Variants in KAT6B observed in about 807,000 individuals in gnomAD.
KAT6B encodes histone acetyltransferase KAT6B.
A neutral mutation model predicts 187.5 loss-of-function variants in KAT6B; 10 were observed. That is an observed-to-expected ratio of 0.05 (90% CI 0.03 to 0.09). The LOEUF (loss-of-function observed/expected upper bound fraction) is 0.09, where lower values mean the gene tolerates loss of function less well. KAT6B is among the 10% of genes least tolerant of loss of function. The pLI is 1.00. For missense variants in KAT6B, 1,952 were observed against 2,558.9 expected (o/e 0.76, Z 5.12); for synonymous variants, 861 against 926.8 (o/e 0.93, Z 1.29).
chr10:74,876,132 T>C (rs1844399441), intron 3 of KAT6B, among the ~76,000 whole-genome samples: 2 of 152,162 alleles, frequency 1.3e-5, no homozygotes, highest in Non-Finnish European at 2.9e-5. Flanking sequence ...GGAACAAATA[T>C]TTACACTTGC....
intron 3 of KAT6B, among the ~76,000 whole-genome samples, chr10:74,913,960 C>T (rs1308859325): frequency 6.6e-6 from 1 of 152,012 alleles, no homozygotes; most frequent in Admixed American, 6.6e-5. Flanking sequence ...GTGAGGCAGG[C>T]GGATTGCCTG....
At chr10:74,918,663 A>G (rs1376234192) in intron 3 of KAT6B, among the ~76,000 whole-genome samples, 2 of 152,046 alleles carry the variant, frequency 1.3e-5, no homozygotes, top group East Asian at 3.9e-4. Flanking sequence ...AAATTGCTTG[A>G]ACCCGGGAGG....
intron 13 of KAT6B, among the ~76,000 whole-genome samples, chr10:74,996,552 C>T (rs944324182): frequency 3.3e-5 from 5 of 151,898 alleles, no homozygotes; most frequent in African/African-American, 4.8e-5. Context: ...AGGCAGATCA[C>T]GAGGTCAGGA....
At chr10:74,931,320 G>A (rs1177169906) in intron 3 of KAT6B, among the ~76,000 whole-genome samples, 3 of 151,882 alleles carry the variant, frequency 2.0e-5, no homozygotes, top group African/African-American at 2.4e-5. Flanking sequence ...CTTTCCACCC[G>A]TGTCTACTGC....
intron 3 of KAT6B, among the ~76,000 whole-genome samples, chr10:74,903,173 C>T (rs1200102697): frequency 6.6e-6 from 1 of 152,182 alleles, no homozygotes; most frequent in Non-Finnish European, 1.5e-5. Flanking sequence ...CCCAGGGTGG[C>T]ATTCATTACC....
At chr10:74,859,493 T>C (rs1377670909) in intron 3 of KAT6B, among the ~76,000 whole-genome samples, 1 of 152,234 alleles carries the variant, frequency 6.6e-6, no homozygotes, top group African/African-American at 2.4e-5. Flanking sequence ...ATGTATATTA[T>C]ATTCTTTTAG....
chr10:74,887,681 G>A (rs1428266619), intron 3 of KAT6B, among the ~76,000 whole-genome samples: 2 of 152,084 alleles, frequency 1.3e-5, no homozygotes, highest in Non-Finnish European at 2.9e-5. Flanking sequence ...ATTTAGCCTG[G>A]AATGGGTTAG....
chr10:74,984,678 A>G (rs534043386), intron 11 of KAT6B: 2 of 196,534 alleles, frequency 1.0e-5, no homozygotes, highest in Admixed American at 5.4e-5. Flanking sequence ...TTGAAACAAC[A>G]TAAAGTTTAA....
chr10:74,965,376 A>T (rs537278576), intron 4 of KAT6B, among the ~76,000 whole-genome samples: 1 of 152,234 alleles, frequency 6.6e-6, no homozygotes, highest in African/African-American at 2.4e-5. Context: ...TAAGGCATTA[A>T]TGCTCATTCT....
At chr10:74,987,590 T>G (rs1842891160) in intron 12 of KAT6B, among the ~76,000 whole-genome samples, 1 of 152,232 alleles carries the variant, frequency 6.6e-6, no homozygotes, top group Admixed American at 6.5e-5. Flanking sequence ...CTGGAAAGGT[T>G]CAGTGCAAAT....
intron 10 of KAT6B, among the ~76,000 whole-genome samples, chr10:74,979,815 G>A (rs779077556): frequency 2.6e-5 from 4 of 152,060 alleles, no homozygotes; most frequent in Non-Finnish European, 5.9e-5. Flanking sequence ...AGTGGGAATG[G>A]GTAGTCTTAA....
intron 1 of KAT6B, among the ~76,000 whole-genome samples, chr10:74,836,769 T>G (rs1334570222): frequency 1.3e-5 from 2 of 152,178 alleles, no homozygotes; most frequent in Non-Finnish European, 2.9e-5. Flanking sequence ...AACAGTTCTG[T>G]TCTGTTTCGG....
intron 3 of KAT6B, among the ~76,000 whole-genome samples, chr10:74,954,888 A>G (rs1840568448): frequency 6.6e-6 from 1 of 152,134 alleles, no homozygotes; most frequent in South Asian, 2.1e-4. Context: ...TCCCCGCTCT[A>G]TAGATTAACA....
intron 3 of KAT6B, among the ~76,000 whole-genome samples, chr10:74,882,116 C>G (rs1844897141): frequency 6.6e-6 from 1 of 152,214 alleles, no homozygotes; most frequent in South Asian, 2.1e-4. Flanking sequence ...GCTGGAGTCT[C>G]CATCTTCCAC....
chr10:74,962,624 T>G (rs1841179529), intron 4 of KAT6B, among the ~76,000 whole-genome samples: 1 of 152,214 alleles, frequency 6.6e-6, no homozygotes, highest in Non-Finnish European at 1.5e-5. Context: ...GTGGGGAGGA[T>G]CATTCTTAAA....
At chr10:74,988,387 T>C (rs1268086326) in intron 12 of KAT6B, among the ~76,000 whole-genome samples, 1 of 152,272 alleles carries the variant, frequency 6.6e-6, no homozygotes, top group Non-Finnish European at 1.5e-5. Flanking sequence ...TATTTTGGTC[T>C]AACCTTTGTT....
rs958404835 is a variant in KAT6B, at chr10:74,942,317, A to C, written c.622-17653A>C. Among the ~76,000 whole-genome samples the C allele has an allele frequency of 2.0e-5, 3 of 152,210 alleles. No individual in the cohort carries two copies. The East Asian group carries it at 5.8e-4, about 29-fold the overall frequency. On this transcript the variant is annotated intron_variant, in intron 3 of 17. Transcript: ENST00000287239. ...TAGAAAAGGGTTTATCCAGAAATACAGTTGATTTAATATTGTGACATGAAG... is the reference window on the plus strand; with the variant it reads ...TAGAAAAGGGTTTATCCAGAAATACCGTTGATTTAATATTGTGACATGAAG...
chr10:74,981,308 T>C (rs1019794106), intron 10 of KAT6B, among the ~76,000 whole-genome samples: 3 of 144,112 alleles, frequency 2.1e-5, no homozygotes, highest in Non-Finnish European at 4.6e-5. Context: ...TCTTTCTTTC[T>C]TCCTTCCTTC....
intron 4 of KAT6B, among the ~76,000 whole-genome samples, chr10:74,962,313 C>T (rs906064043): frequency 1.3e-5 from 2 of 152,088 alleles, no homozygotes; most frequent in African/African-American, 4.8e-5. Context: ...TGTTTTGACA[C>T]CTTGGTAATT....
Sources: allele counts gnomAD v4.1 joint callset (sites outside exome capture counted in the v4.1 genomes callset), GRCh38; gene constraint gnomAD v4.1.1; transcripts MANE v1.5; gene names NCBI Gene and HGNC (gene_info 2026-07-23, HGNC 2026-07-21).